The following NUP205 variants were observed in gnomAD, a reference collection of about 807,000 sequenced individuals.
NUP205 encodes the protein nuclear pore complex protein Nup205.
A neutral mutation model predicts 253.8 loss-of-function variants in NUP205; 76 were observed. That is an observed-to-expected ratio of 0.30 (90% CI 0.25 to 0.36). NUP205 has a LOEUF of 0.36. Ranked by LOEUF, NUP205 falls within the 10% of genes least tolerant of loss-of-function variation. The pLI is 1.00. For synonymous variants in NUP205, 832 were observed against 850.1 expected (o/e 0.98, Z 0.37); for missense variants, 2,162 against 2,425.5 (o/e 0.89, Z 2.28).
At chr7:135,643,124 C>T (rs1794944727) in intron 38 of NUP205, 68 bp from the exon 39 acceptor site, 6 of 1,456,180 alleles carry the variant, frequency 4.1e-6, no homozygotes, top group African/African-American at 1.4e-5. Flanking sequence ...TGTTTTAAAA[C>T]AGGTCATTTG....
At chr7:135,636,598 T>C (rs1794815590) in intron 36 of NUP205, among the ~76,000 whole-genome samples, 1 of 152,182 alleles carries the variant, frequency 6.6e-6, no homozygotes, top group African/African-American at 2.4e-5. Context: ...TTTGAATGCA[T>C]CTATTTTATC....
intron 38 of NUP205, 152 bp from the exon 39 acceptor site, chr7:135,643,040 T>G: frequency 1.6e-6 from 1 of 626,420 alleles, no homozygotes; most frequent in East Asian, 2.7e-5. Flanking sequence ...CTTTAAATTA[T>G]AAATGGCATT....
chr7:135,614,171 T>A lies in NUP205; in HGVS notation c.3208T>A (p.Leu1070Ile). 6.3e-7 allele frequency: 1 copy of A among 1,583,816 alleles called. No homozygotes were observed. The highest frequency in any genetic ancestry group is 8.7e-7 in the Non-Finnish European group (1 of 1,153,448). The change falls in exon 23 of 43, where the codon TTA (leucine) becomes ATA (isoleucine). Residue 1070 changes from leucine (L) to isoleucine (I), a missense_variant. Transcript: ENST00000285968. Reference protein sequence around the residue: ...AELCYQVIYQLCACSDTSGPT... With the variant: ...AELCYQVIYQICACSDTSGPT... ...TTTAATGCTTTAGGTCATATATCAG[T>A]TATGTGCATGCTCTGATACATCTGG... is the stretch of plus-strand genomic sequence containing the variant.
At chr7:135,612,329 G>T (rs896688070) in intron 22 of NUP205, among the ~76,000 whole-genome samples, 1 of 152,138 alleles carries the variant, frequency 6.6e-6, no homozygotes, top group Non-Finnish European at 1.5e-5. Flanking sequence ...CATGTTTTAT[G>T]TGTGTTTCTG....
intron 1 of NUP205, among the ~76,000 whole-genome samples, chr7:135,570,048 TATATAGAGAGAGAGAGAGAG>T (rs1219138472): frequency 4.0e-5 from 4 of 99,770 alleles, no homozygotes; most frequent in South Asian, 3.4e-4. Context: ...TATATATATA[TATATAGAGAGAGAGAGAGAG>T]AGAGAGAGAG....
intron 7 of NUP205, among the ~76,000 whole-genome samples, chr7:135,582,254 C>T (rs1250839755): frequency 6.6e-6 from 1 of 152,168 alleles, no homozygotes; most frequent in Non-Finnish European, 1.5e-5. Context: ...CACTGCACTC[C>T]AGCCTGGGCA....
In NUP205 at chr7:135,618,409, T is replaced by C; in HGVS notation, c.3772-3T>C. ...CCTTGTGATTCAATTCCTGTGGCTT[T>C]AGGAAATCAGCACTGTACTTCAGTA... is the stretch of plus-strand genomic sequence containing the variant. On this transcript the variant is annotated splice_polypyrimidine_tract_variant and splice_region_variant and intron_variant, in intron 27 of 42. Transcript: ENST00000285968. 1 of 1,613,442 alleles carries C rather than the reference T, an allele frequency of 6.2e-7. No homozygotes were observed. Among genetic ancestry groups the C allele is most frequent in the African/African-American group, 1.3e-5 (1 of 75,034 alleles).
chr7:135,594,674 T>C lies in NUP205; in HGVS notation c.1958T>C (p.Phe653Ser), dbSNP rs764618251. ...GAGCTACTGAAGACACTCGCAGCTT[T>C]TGGAAAATCTCCTGAAATTGCTGCT... Reference protein sequence around the residue: ...KAELLKTLAAFGKSPEIAASL... With the variant: ...KAELLKTLAASGKSPEIAASL... Residue 653 changes from phenylalanine (F) to serine (S), a missense_variant, in exon 13 of 43, where the codon TTT (phenylalanine) becomes TCT (serine). Physicochemically the swap from Phe to Ser is radical, Grantham distance 155. This residue lies in a region of NUP205 where 892 missense variants were observed against 957.1 expected (regional missense o/e 0.93). Coordinates refer to ENST00000285968, the MANE Select transcript of NUP205 (RefSeq NM_015135.3). The C allele has an allele frequency of 6.2e-7, 1 of 1,613,888 alleles. No individual in the cohort carries two copies. Among genetic ancestry groups the C allele is most frequent in the Non-Finnish European group, 8.5e-7 (1 of 1,179,892 alleles).
At chr7:135,567,158 A>G (rs1258807302) in intron 1 of NUP205, among the ~76,000 whole-genome samples, 12 of 94,872 alleles carry the variant, frequency 1.3e-4, no homozygotes, top group African/African-American at 4.0e-4. Context: ...ATATATATAT[A>G]TATATATATA....
At chr7:135,566,231 T>A (rs141872360) in intron 1 of NUP205, among the ~76,000 whole-genome samples, 19 of 152,056 alleles carry the variant, frequency 1.2e-4, no homozygotes, top group African/African-American at 4.6e-4. Flanking sequence ...GCCTCAACCC[T>A]CCTTGTAGTT....
Position 135,622,925 on chromosome 7 carries a change from G to C in NUP205, c.4479G>C (p.Arg1493Ser). The C allele has an allele frequency of 6.2e-7, 1 of 1,613,056 alleles. No homozygotes were observed. Among genetic ancestry groups the C allele is most frequent in the Non-Finnish European group, 8.5e-7 (1 of 1,179,590 alleles). Reference protein sequence around the residue: ...RDACDGHEIGRMLALALLDRI... With the variant: ...RDACDGHEIGSMLALALLDRI... ...CTTGTGATGGTCATGAGATTGGAAG[G>C]GTAAAGCAACTCTTATTTAGTATTA... Residue 1493 changes from arginine (R) to serine (S), a missense_variant and splice_region_variant, in exon 31 of 43, where the codon AGG (arginine) becomes AGC (serine). Around this residue, in one of 5 missense-constraint regions of NUP205, gnomAD observed 1,144 missense variants for 1,280.9 expected, o/e 0.89. Coordinates refer to ENST00000285968, the MANE Select transcript of NUP205 (RefSeq NM_015135.3).
chr7:135,634,820 C>G (rs1027157899), intron 35 of NUP205, among the ~76,000 whole-genome samples: 1 of 152,032 alleles, frequency 6.6e-6, no homozygotes, highest in African/African-American at 2.4e-5. Context: ...CTGAGCTAAT[C>G]TAAAAAGAGG....
intron 23 of NUP205, among the ~76,000 whole-genome samples, chr7:135,615,032 T>A (rs1794326059): frequency 6.6e-6 from 1 of 152,220 alleles, no homozygotes; most frequent in Non-Finnish European, 1.5e-5. Context: ...TCTATTTTCA[T>A]AAGTGTCTTA....
At chr7:135,612,142 A>C (rs938658964) in intron 22 of NUP205, among the ~76,000 whole-genome samples, 8 of 152,148 alleles carry the variant, frequency 5.3e-5, no homozygotes, top group Admixed American at 2.0e-4. Flanking sequence ...AGAAAAAAAA[A>C]CAGAATATAT....
Position 135,591,435 on chromosome 7 carries a change from TTC to T in NUP205, c.1474-9_1474-8del, listed in dbSNP as rs747195138. On this transcript the variant is annotated splice_polypyrimidine_tract_variant and intron_variant, in intron 10 of 42. Transcript: ENST00000285968. The stretch of plus-strand genomic sequence containing the variant: ...GATATACATTATATAAACCATTTGT[TTC>T]TCTCTTTTTCAGGTTGTCTTGTCAA... The T allele has an allele frequency of 1.9e-6, 3 of 1,612,248 alleles. No individual in the cohort carries two copies. The highest frequency in any genetic ancestry group is 4.5e-5 in the East Asian group (2 of 44,850).
chr7:135,625,808 A>G (rs757860613), intron 32 of NUP205, among the ~76,000 whole-genome samples: 4 of 152,164 alleles, frequency 2.6e-5, no homozygotes, highest in Non-Finnish European at 5.9e-5. Context: ...AGGATCACAA[A>G]TGTTACGATA....
intron 15 of NUP205, 29 bp from the exon 16 acceptor site, chr7:135,600,841 G>A: frequency 1.4e-6 from 2 of 1,388,656 alleles, no homozygotes; most frequent in East Asian, 2.3e-5. Flanking sequence ...CTGTTTTATT[G>A]TTATTGACCT....
chr7:135,606,034 A>G, intron 19 of NUP205, 111 bp from the exon 20 acceptor site: 1 of 704,004 alleles, frequency 1.4e-6, no homozygotes, highest in East Asian at 2.6e-5. Context: ...ATACCTAAGC[A>G]GGTTTGCCTA....
Position 135,630,345 on chromosome 7 carries a change from T to G in NUP205, c.4934T>G (p.Val1645Gly), listed in dbSNP as rs767725054. The G allele has an allele frequency of 6.3e-7, 1 of 1,586,128 alleles. No homozygotes were observed. The highest frequency in any genetic ancestry group is 1.2e-5 in the South Asian group (1 of 86,020). ...TCCTCTTCCTTTTCAATGGCTTAGG[T>G]ATTGCAGTTTCTTATTTCACATTCT... The part of the protein sequence containing the change: ...MAQHLQAAGQ[V>G]LQFLISHSDT... The change falls in exon 35 of 43, where the codon GTA becomes GGA. Residue 1645 changes from valine to glycine, a missense_variant and splice_region_variant. By Grantham distance (109) the Val-to-Gly change is moderately radical. Coordinates refer to ENST00000285968, the MANE Select transcript of NUP205 (RefSeq NM_015135.3).
Sources: allele counts gnomAD v4.1 joint callset (sites outside exome capture counted in the v4.1 genomes callset), GRCh38; gene constraint gnomAD v4.1.1; regional missense constraint gnomAD v4.1.1; transcripts MANE v1.5; gene names NCBI Gene and HGNC (gene_info 2026-07-23, HGNC 2026-07-21).